LYSMD2: variants seen among roughly 807,000 people sequenced by gnomAD.
LYSMD2 encodes the protein LysM domain containing 2, also known as lysM and putative peptidoglycan-binding domain-containing protein 2.
In LYSMD2, 6 loss-of-function variants were observed where a neutral mutation model predicts 17.7. That is an observed-to-expected ratio of 0.34 (90% CI 0.19 to 0.67). The LOEUF (loss-of-function observed/expected upper bound fraction) is 0.67, where lower values mean the gene tolerates loss of function less well. Among genes scored for constraint, LYSMD2 ranks in the 30% least tolerant of loss-of-function variants. The probability of loss-of-function intolerance (pLI) is 0.69; values close to 1 mark genes in which losing one functional copy is unlikely to be tolerated. For missense variants in LYSMD2, 237 were observed against 286.7 expected (o/e 0.83, Z 1.25); for synonymous variants, 102 against 129.8 (o/e 0.79, Z 1.45).
At chr15:51,731,734 TC>T (rs1343601247) in intron 1 of LYSMD2, among the ~76,000 whole-genome samples, 1 of 152,156 alleles carries the variant, frequency 6.6e-6, no homozygotes, top group Non-Finnish European at 1.5e-5. Flanking sequence ...TATATGGCTC[TC>T]TGGAGGTTTC....
chr15:51,737,328 C>A lies in LYSMD2; in HGVS notation c.273+22G>T. 7.5e-7 allele frequency: 1 copy of A among 1,326,744 alleles called. No homozygotes were observed. The highest frequency in any genetic ancestry group is 1.5e-5 in the African/African-American group (1 of 65,178). 82.2% of individuals were successfully genotyped at this position (1,326,744 alleles called of 1,614,324 possible). Reference sequence around the variant, plus strand: ...CTGCGCGGTAGCTGCCAGCCCGGGCCGCGGCGGCGCGCCCTGCTCACCGTG... The same window carrying A: ...CTGCGCGGTAGCTGCCAGCCCGGGCAGCGGCGGCGCGCCCTGCTCACCGTG... On this transcript the variant is annotated intron_variant, in intron 1 of 2. Transcript: ENST00000267838. This position sits in a 1 kb window ranked among gnomAD's most constrained non-coding sequence, Gnocchi z 4.2.
intron 2 of LYSMD2, among the ~76,000 whole-genome samples, chr15:51,724,499 C>T (rs1329550920): frequency 1.3e-5 from 2 of 152,038 alleles, no homozygotes; most frequent in Non-Finnish European, 2.9e-5. Flanking sequence ...GATAAAAACA[C>T]TGCAACAGAT....
Position 51,737,458 on chromosome 15 carries a change from G to A in LYSMD2, c.165C>T (p.Thr55=), listed in dbSNP as rs564131552. The part of the protein sequence containing the change: ...ARTKTRSYGS[T]ASVRAPLGAG... ...CGCCCAGCGGCGCCCGCACGCTGGC[G>A]GTGCTGCCGTACGAGCGGGTCTTGG... Residue 55 remains threonine (T), a synonymous_variant, in exon 1 of 3, where the codon ACC becomes ACT. Transcript: ENST00000267838. The surrounding 1 kb of genome is among the most constrained non-coding windows in gnomAD (Gnocchi z 4.2). The A allele has an allele frequency of 3.9e-5, 55 of 1,426,074 alleles. No individual in the cohort carries two copies. In the Admixed American group the frequency reaches 5.2e-4, roughly 14 times the overall value. 88.3% of individuals were successfully genotyped at this position (1,426,074 alleles called of 1,614,324 possible).
At chr15:51,738,039 GAAAA>G (rs548696179), upstream of LYSMD2, 2 of 138,380 alleles carry the variant, frequency 1.4e-5, no homozygotes, top group Non-Finnish European at 3.1e-5. Context: ...TGGCCACGGC[GAAAA>G]AAAAAAAAAG....
intron 1 of LYSMD2, among the ~76,000 whole-genome samples, chr15:51,736,291 T>C (rs537450940): frequency 9.8e-4 from 149 of 152,304 alleles, no homozygotes; most frequent in Non-Finnish European, 1.4e-3. Flanking sequence ...TAGAGAATTG[T>C]AGCTCTATGT....
At position 51,746,427 on chromosome 15, in the gene LYSMD2, T is replaced by C. The variant is rs566600639; in HGVS notation, c.-1+4844A>G. Among the ~76,000 whole-genome samples, 3 of 152,238 alleles carry C rather than the reference T, an allele frequency of 2.0e-5. No individual in the cohort carries two copies. In the East Asian group the frequency reaches 5.8e-4, roughly 29 times the overall value. ...AATCTAGAGAAGACAAAAAATAAAT[T>C]TGTGATTGCCAGAGTCTGGGTGTGT... On this transcript the variant is annotated intron_variant, in intron 1 of 2. Coordinates refer to the LYSMD2 transcript ENST00000454181.
rs777066409 is a variant in LYSMD2, at chr15:51,737,386, G to A, written c.237C>T (p.Asp79=). The change falls in exon 1 of 3, where the codon GAC becomes GAT. Residue 79 remains aspartate, a synonymous_variant. Coordinates refer to ENST00000267838, the MANE Select transcript of LYSMD2 (RefSeq NM_153374.3). This position sits in a 1 kb window ranked among gnomAD's most constrained non-coding sequence, Gnocchi z 4.2. Reference sequence around the variant, plus strand: ...ACTTGAGCGCGATGCCCTGCAGCGTGTCGCCCGCGCGGACCCGGTGCTCCA... The same window carrying A: ...ACTTGAGCGCGATGCCCTGCAGCGTATCGCCCGCGCGGACCCGGTGCTCCA... ...RHVEHRVRAG[D]TLQGIALKYG... is the part of the protein sequence containing the mutation. 1.4e-6 allele frequency: 2 copies of A among 1,457,646 alleles called. No homozygotes were observed. Among genetic ancestry groups the A allele is most frequent in the South Asian group, 1.3e-5 (1 of 76,190 alleles). The allele number at this position is 1,457,646 out of a possible 1,614,324, so 90.3% of individuals were successfully genotyped here.
upstream of LYSMD2, among the ~76,000 whole-genome samples, chr15:51,738,597 G>A (rs930458231): frequency 2.0e-5 from 3 of 151,980 alleles, no homozygotes; most frequent in South Asian, 4.2e-4. Flanking sequence ...ACACAGAGTG[G>A]GTACACATTT....
At chr15:51,751,353 C>A (rs1473024949) in exon 1 of LYSMD2, 7 of 702,388 alleles carry the variant, frequency 1.0e-5, no homozygotes, top group Non-Finnish European at 1.8e-5. Context: ...CCTTTGCCAT[C>A]CACGCTCTCC....
At chr15:51,747,253 A>G (rs1423290345) in intron 1 of LYSMD2, among the ~76,000 whole-genome samples, 1 of 151,854 alleles carries the variant, frequency 6.6e-6, no homozygotes, top group African/African-American at 2.4e-5. Context: ...GCACTTTGGG[A>G]GGCTGAGGCA....
chr15:51,736,374 C>T (rs1310919818), intron 1 of LYSMD2, among the ~76,000 whole-genome samples: 1 of 152,220 alleles, frequency 6.6e-6, no homozygotes, highest in African/African-American at 2.4e-5. Flanking sequence ...CATGACTGCA[C>T]AGCAAGGTCC....
chr15:51,734,048 T>C (rs570323439), intron 1 of LYSMD2, among the ~76,000 whole-genome samples: 29 of 152,090 alleles, frequency 1.9e-4, no homozygotes, highest in Non-Finnish European at 3.1e-4. Flanking sequence ...CCGGGCATGG[T>C]GGCGTGTGCT....
At chr15:51,745,606 G>A (rs1050319802) in intron 1 of LYSMD2, among the ~76,000 whole-genome samples, 2 of 151,962 alleles carry the variant, frequency 1.3e-5, no homozygotes, top group Non-Finnish European at 2.9e-5. Flanking sequence ...CCTCAAACTA[G>A]CAAGGGATGT....
chr15:51,725,258 G>T, intron 1 of LYSMD2, 137 bp from the exon 2 acceptor site: 1 of 570,028 alleles, frequency 1.8e-6, no homozygotes, highest in Non-Finnish European at 3.0e-6. Context: ...TCTTCATTCA[G>T]GTTTGGTAAC....
At chr15:51,747,267 G>A (rs1051408317) in intron 1 of LYSMD2, among the ~76,000 whole-genome samples, 13 of 150,874 alleles carry the variant, frequency 8.6e-5, no homozygotes, top group African/African-American at 2.2e-4. Context: ...TGAGGCAGGC[G>A]GATCACTTGA....
chr15:51,724,088 ATAT>A (rs1249440219), intron 2 of LYSMD2, among the ~76,000 whole-genome samples: 6 of 152,108 alleles, frequency 3.9e-5, no homozygotes, highest in African/African-American at 1.4e-4. Context: ...ATCATAAGAA[ATAT>A]TATAGGAGTT....
At chr15:51,734,082 C>G (rs2055593747) in intron 1 of LYSMD2, among the ~76,000 whole-genome samples, 1 of 152,088 alleles carries the variant, frequency 6.6e-6, no homozygotes, top group African/African-American at 2.4e-5. Context: ...ACTCGAGAGG[C>G]TGAGGCAGGA....
At chr15:51,724,006 T>C (rs1263023647) in intron 2 of LYSMD2, among the ~76,000 whole-genome samples, 1 of 151,892 alleles carries the variant, frequency 6.6e-6, no homozygotes, top group East Asian at 1.9e-4. Flanking sequence ...AAAAGGCATA[T>C]ATACAATAAG....
intron 1 of LYSMD2, among the ~76,000 whole-genome samples, chr15:51,735,463 C>T (rs2055602851): frequency 6.6e-6 from 1 of 152,200 alleles, no homozygotes; most frequent in South Asian, 2.1e-4. Flanking sequence ...TTCTACACTG[C>T]ACAGGACAAC....
Sources: allele counts gnomAD v4.1 joint callset (sites outside exome capture counted in the v4.1 genomes callset), GRCh38; gene constraint gnomAD v4.1.1; non-coding constraint Gnocchi (gnomAD v3.1); transcripts MANE v1.5; gene names NCBI Gene and HGNC (gene_info 2026-07-23, HGNC 2026-07-21).